Variants in CBLIF observed in about 807,000 individuals in gnomAD.
CBLIF encodes cobalamin binding intrinsic factor.
Under a neutral mutation model 44.9 loss-of-function variants are expected in CBLIF, and 24 were observed. That is an observed-to-expected ratio of 0.53 (90% CI 0.39 to 0.75). The LOEUF is 0.75. Among genes scored for constraint, CBLIF ranks in the 30% least tolerant of loss-of-function variants. The pLI, the probability that CBLIF is intolerant of heterozygous loss-of-function variation, is 0.00. For synonymous variants in CBLIF, 183 were observed against 190.9 expected, an observed-to-expected ratio of 0.96 and a Z score of 0.34; for missense variants, 481 against 513.0, an observed-to-expected ratio of 0.94 and a Z score of 0.60.
At chr11:59,830,726 A>G (rs1866363083) in intron 8 of CBLIF, among the ~76,000 whole-genome samples, 2 of 152,202 alleles carry the variant, frequency 1.3e-5, no homozygotes, top group Admixed American at 1.3e-4. Context: ...ATTATTTCCA[A>G]TCCTTACAAT....
At chr11:59,834,304 CT>C (rs376102778) in intron 7 of CBLIF, among the ~76,000 whole-genome samples, 4,994 of 101,374 alleles carry the variant, frequency 0.049, 102 homozygotes, top group East Asian at 0.071. Context: ...TTCTTTCTTT[CT>C]TTCTTTCTTC....
In CBLIF at chr11:59,843,820, T is replaced by C. The variant is rs955190723; in HGVS notation, c.256+59A>G. ...GTGGGAAGGACGCTGAGTTGGAATC[T>C]GGAGGTGGTATGTGATGTGTGAGAT... On this transcript the variant is annotated intron_variant, in intron 2 of 8. Coordinates refer to ENST00000257248, the MANE Select transcript of CBLIF (RefSeq NM_005142.3). 2.4e-5 allele frequency: 31 copies of C among 1,287,322 alleles called. No individual in the cohort carries two copies. In the East Asian group the frequency reaches 3.0e-4, roughly 12 times the overall value. 79.7% of individuals were successfully genotyped at this position (1,287,322 alleles called of 1,614,324 possible).
At chr11:59,829,606 C>T in intron 8 of CBLIF, 61 bp from the exon 9 acceptor site, 3 of 982,324 alleles carry the variant, frequency 3.1e-6, no homozygotes, top group Non-Finnish European at 5.0e-6. Context: ...CTCCATCCCC[C>T]AAGGGATGCA....
chr11:59,841,553 C>T (rs540701871), intron 4 of CBLIF, among the ~76,000 whole-genome samples: 191 of 152,240 alleles, frequency 1.3e-3, no homozygotes, highest in African/African-American at 3.8e-3. Context: ...TGCATAACTT[C>T]GTTAAGGGTG....
Position 59,829,338 on chromosome 11 carries a change from T to G in CBLIF, c.*146A>C. The G allele has an allele frequency of 1.5e-6, 1 of 668,678 alleles. No individual in the cohort carries two copies. The highest frequency in any genetic ancestry group is 1.6e-5 in the South Asian group (1 of 64,288). 41.4% of individuals were successfully genotyped at this position (668,678 alleles called of 1,614,324 possible). ...TGAGACTCCAGTGAACTTTGCATTT[T>G]TATTCTACATAGTGGTTCTCCATGT... On this transcript the variant is annotated 3_prime_UTR_variant, in exon 9 of 9. Coordinates refer to ENST00000257248, the MANE Select transcript of CBLIF (RefSeq NM_005142.3).
In CBLIF at chr11:59,843,107, C is replaced by T; in HGVS notation, c.291G>A (p.Met97Ile). The change falls in exon 3 of 9, where the codon ATG (methionine) becomes ATA (isoleucine). Residue 97 changes from methionine (M) to isoleucine (I), a missense_variant. Physicochemically the swap from Met to Ile is conservative, Grantham distance 10 (BLOSUM62 1). Coordinates refer to ENST00000257248, the MANE Select transcript of CBLIF (RefSeq NM_005142.3). ...LTIGQLGLTI[M>I]ALTSSCRDPG... ...GGTCTCGGCAGGAGGAGGTGAGGGC[C>T]ATGATGGTGAGGCCGAGCTGCCCAA... 3 of 1,613,672 alleles carry T rather than the reference C, an allele frequency of 1.9e-6. No individual in the cohort carries two copies. Among genetic ancestry groups the T allele is most frequent in the Non-Finnish European group, 2.5e-6 (3 of 1,179,636 alleles).
At position 59,845,466 on chromosome 11, in the gene CBLIF, T is replaced by G; in HGVS notation, c.-13A>C. 1 of 1,560,492 alleles carries G rather than the reference T, an allele frequency of 6.4e-7. No homozygotes were observed. The highest frequency in any genetic ancestry group is 8.8e-7 in the Non-Finnish European group (1 of 1,131,794). On this transcript the variant is annotated 5_prime_UTR_variant, in exon 1 of 9. Transcript: ENST00000257248. Reference sequence around the variant, plus strand: ...CAAACCAGGCCATCTCACTCTCTCGTCTATGTCTCTCATCCACAGGTACCG... The same window carrying G: ...CAAACCAGGCCATCTCACTCTCTCGGCTATGTCTCTCATCCACAGGTACCG...
intron 8 of CBLIF, among the ~76,000 whole-genome samples, chr11:59,831,316 C>T (rs1866370319): frequency 2.6e-5 from 4 of 152,176 alleles, no homozygotes; most frequent in Admixed American, 6.5e-5. Flanking sequence ...TTGTACAAAG[C>T]ACATTTGTCC....
Position 59,834,240 on chromosome 11 carries a change from TTTTCTTTCTTTCTTTC to T in CBLIF, c.1073+1552_1073+1567del, listed in dbSNP as rs57364350. Among the ~76,000 whole-genome samples, 80 of 115,232 alleles carry T rather than the reference TTTTCTTTCTTTCTTTC, an allele frequency of 6.9e-4. 1 individual carries two copies. Among genetic ancestry groups the T allele is most frequent in the Middle Eastern group, 8.7e-3 (2 of 230 alleles). The allele number at this position is 115,232 out of a possible 152,430, so 75.6% of individuals were successfully genotyped here. On this transcript the variant is annotated intron_variant, in intron 7 of 8. Coordinates refer to ENST00000257248, the MANE Select transcript of CBLIF (RefSeq NM_005142.3). The stretch of plus-strand genomic sequence containing the variant: ...CCTTTCTGTTTCTTTCTTTCTTTCT[TTTTCTTTCTTTCTTTC>T]TTTCTTTCTTTCTTTCTTTCTTTCT...
chr11:59,834,292 C>T (rs937813496), intron 7 of CBLIF, among the ~76,000 whole-genome samples: 6 of 137,704 alleles, frequency 4.4e-5, no homozygotes, highest in Non-Finnish European at 7.8e-5. Flanking sequence ...TTCTTTCTTT[C>T]TTTCTTTCTT....
At chr11:59,834,092 A>T (rs1866409883) in intron 7 of CBLIF, among the ~76,000 whole-genome samples, 1 of 152,224 alleles carries the variant, frequency 6.6e-6, no homozygotes, top group Admixed American at 6.5e-5. Flanking sequence ...GGGTGCAAGT[A>T]TCTGCTATCT....
intron 5 of CBLIF, among the ~76,000 whole-genome samples, chr11:59,840,781 G>C (rs1866515341): frequency 6.6e-6 from 1 of 152,002 alleles, no homozygotes; most frequent in African/African-American, 2.4e-5. Context: ...TAGAGGGCCT[G>C]CTTTAATATT....
In CBLIF at chr11:59,841,135, G is replaced by A. The variant is rs199966806; in HGVS notation, c.693+8C>T. ...GAACCCAACCAAGAGCATCCAGCAC[G>A]TGTTTACCTGCATGGCGAGGCCAGT... On this transcript the variant is annotated splice_region_variant and intron_variant, in intron 5 of 8. Coordinates refer to ENST00000257248, the MANE Select transcript of CBLIF (RefSeq NM_005142.3). 27 of 1,604,288 alleles carry A rather than the reference G, an allele frequency of 1.7e-5. No homozygotes were observed. The African/African-American group carries it at 2.1e-4, about 13-fold the overall frequency.
In CBLIF at chr11:59,829,440, C is replaced by T. The variant is rs1169467156; in HGVS notation, c.*44G>A. ...TAAAATGAAGTGGAAAAAATTTCAC[C>T]CATCCTTTGGAGATGTTTGATAGAA... is the stretch of plus-strand genomic sequence containing the variant. On this transcript the variant is annotated 3_prime_UTR_variant, in exon 9 of 9. Transcript: ENST00000257248. 2 of 1,262,584 alleles carry T rather than the reference C, an allele frequency of 1.6e-6. No homozygotes were observed. 78.2% of individuals were successfully genotyped at this position (1,262,584 alleles called of 1,614,324 possible). A position where few individuals can be genotyped will look rare whatever the true frequency, so the allele number is the denominator to read the frequency against.
At chr11:59,843,815 G>C in intron 2 of CBLIF, 64 bp downstream of exon 2, 1 of 1,235,034 alleles carries the variant, frequency 8.1e-7, no homozygotes, top group South Asian at 1.2e-5. Flanking sequence ...CGCTGAGTTG[G>C]AATCTGGAGG....
intron 5 of CBLIF, among the ~76,000 whole-genome samples, chr11:59,840,347 A>G (rs1866507848): frequency 6.6e-6 from 1 of 152,150 alleles, no homozygotes; most frequent in South Asian, 2.1e-4. Flanking sequence ...CCCATAGGAC[A>G]TTTTGAGACA....
chr11:59,833,531 A>AC lies in CBLIF; in HGVS notation c.1074-1736_1074-1735insG, dbSNP rs1482447793. Among the ~76,000 whole-genome samples, 3 of 152,118 alleles carry AC rather than the reference A, an allele frequency of 2.0e-5. No individual in the cohort carries two copies. In the South Asian group the frequency reaches 6.2e-4, roughly 32 times the overall value. On this transcript the variant is annotated intron_variant, in intron 7 of 8. Coordinates refer to ENST00000257248, the MANE Select transcript of CBLIF (RefSeq NM_005142.3). ...AAACTCTGTCTCAAAAAAAAAAAAAAAATTAAATAGTTTTGAAGTGCAATT... is the reference window on the plus strand; with the variant it reads ...AAACTCTGTCTCAAAAAAAAAAAAAACAATTAAATAGTTTTGAAGTGCAATT...
rs572250550 is a variant in CBLIF at position 59,833,294 on chromosome 11, A to C, written c.1074-1498T>G. Among the ~76,000 whole-genome samples the C allele has an allele frequency of 2.0e-5, 3 of 152,304 alleles. No individual in the cohort carries two copies. The East Asian group carries it at 5.8e-4, about 29-fold the overall frequency. On this transcript the variant is annotated intron_variant, in intron 7 of 8. Transcript: ENST00000257248. ...CACTTTGGGAGGCTGAGGTGGGTGG[A>C]TCACCTGAGGTCTGGAGTTCAAGAC...
At chr11:59,837,491 AG>A in intron 5 of CBLIF, 140 bp from the exon 6 acceptor site, 1 of 727,700 alleles carries the variant, frequency 1.4e-6, no homozygotes, top group Admixed American at 2.0e-5. Context: ...ATGCTATGTA[AG>A]GTTTGGAAAA....
Sources: gnomAD v4.1 joint callset for allele counts (sites outside exome capture counted in the v4.1 genomes callset) on GRCh38, gnomAD v4.1.1 for gene constraint, MANE v1.5 for transcripts, NCBI Gene and HGNC (gene_info 2026-07-23, HGNC 2026-07-21) for gene names.